The following BTBD9 variants were observed in gnomAD, a reference collection of about 807,000 sequenced individuals.
The protein encoded by BTBD9 is BTB domain containing 9, also known as BTB/POZ domain-containing protein 9.
BTBD9 carries 49 observed loss-of-function variants against 64.3 expected under a neutral mutation model. The ratio of observed to expected loss-of-function variants is 0.76; its 90% CI spans 0.61 to 0.97. BTBD9 has a LOEUF of 0.97. Among genes scored for constraint, BTBD9 ranks in the 50% least tolerant of loss-of-function variants. BTBD9 has a pLI of 0.00. For missense variants in BTBD9, 598 were observed against 762.1 expected, an observed-to-expected ratio of 0.78 and a Z score of 2.53; for synonymous variants, 260 against 274.7, an observed-to-expected ratio of 0.95 and a Z score of 0.53.
chr6:38,515,313 C>G (rs1261888910), intron 6 of BTBD9, among the ~76,000 whole-genome samples: 1 of 152,140 alleles, frequency 6.6e-6, no homozygotes, highest in Non-Finnish European at 1.5e-5. Flanking sequence ...AGAGAACAGT[C>G]AACATTTCCT....
chr6:38,227,324 A>G (rs948772718), intron 9 of BTBD9, among the ~76,000 whole-genome samples: 1 of 152,206 alleles, frequency 6.6e-6, no homozygotes, highest in African/African-American at 2.4e-5. Context: ...TTAGGAGCAC[A>G]TATTTAGTAG....
At chr6:38,328,965 A>T (rs1763561911) in intron 7 of BTBD9, among the ~76,000 whole-genome samples, 1 of 103,992 alleles carries the variant, frequency 9.6e-6, no homozygotes, top group African/African-American at 4.6e-5. Context: ...AAAGAAAGAA[A>T]ATATGTGTGT....
At chr6:38,525,457 G>C (rs1277711974) in intron 6 of BTBD9, among the ~76,000 whole-genome samples, 1 of 152,184 alleles carries the variant, frequency 6.6e-6, no homozygotes, top group African/African-American at 2.4e-5. Context: ...CAAGGTAGTG[G>C]TGTACTGCTA....
At position 38,311,389 on chromosome 6, in the gene BTBD9, T is replaced by C. The variant is rs186394578; in HGVS notation, c.1265-22928A>G. 2.4e-3 allele frequency among the ~76,000 whole-genome samples: 359 copies of C among 152,280 alleles called. 5 individuals carry two copies. Among genetic ancestry groups the C allele is most frequent in the African/African-American group, 6.9e-3 (286 of 41,556 alleles). On this transcript the variant is annotated intron_variant, in intron 7 of 10. Transcript: ENST00000481247. Reference sequence around the variant, plus strand: ...ATAAAGACCTCTAGTTCCATCCACGTTGTTGCAAATGACAGGATATAATTC... The same window carrying C: ...ATAAAGACCTCTAGTTCCATCCACGCTGTTGCAAATGACAGGATATAATTC...
At chr6:38,444,609 T>G (rs1397649768) in intron 6 of BTBD9, among the ~76,000 whole-genome samples, 1 of 152,222 alleles carries the variant, frequency 6.6e-6, no homozygotes, top group Non-Finnish European at 1.5e-5. Flanking sequence ...TATGTGATTT[T>G]GGGCTTCTTA....
chr6:38,267,951 C>T (rs1482165584), intron 8 of BTBD9, among the ~76,000 whole-genome samples: 1 of 151,954 alleles, frequency 6.6e-6, no homozygotes, highest in African/African-American at 2.4e-5. Context: ...AAAAACAAAA[C>T]AAAACAAAAC....
chr6:38,350,909 T>C (rs1764477959), intron 6 of BTBD9, among the ~76,000 whole-genome samples: 1 of 152,234 alleles, frequency 6.6e-6, no homozygotes, highest in Non-Finnish European at 1.5e-5. Flanking sequence ...TATACACAAA[T>C]AATTCTCTAA....
chr6:38,490,381 C>A (rs562824853), intron 6 of BTBD9, among the ~76,000 whole-genome samples: 18 of 152,204 alleles, frequency 1.2e-4, no homozygotes, highest in African/African-American at 3.9e-4. Flanking sequence ...AGTGCAGTGG[C>A]GCAATCTCGG....
In BTBD9 at chr6:38,277,187, G is replaced by C. The variant is rs189772479; in HGVS notation, c.1454+11085C>G. On this transcript the variant is annotated intron_variant, in intron 8 of 10. Transcript: ENST00000481247. ...AAGCACAGGAGACCAGTTACAGAAA[G>C]CCAGTATATTAAGTGTTTGCAACAG... Among the ~76,000 whole-genome samples, 22 of 152,244 alleles carry C rather than the reference G, an allele frequency of 1.4e-4. No individual in the cohort carries two copies. The East Asian group carries it at 3.9e-3, about 27-fold the overall frequency.
At chr6:38,209,566 G>T (rs1428667388) in intron 9 of BTBD9, among the ~76,000 whole-genome samples, 1 of 152,102 alleles carries the variant, frequency 6.6e-6, no homozygotes, top group East Asian at 1.9e-4. Context: ...CTAAACTTTT[G>T]AACTCCCAGA....
chr6:38,219,117 T>C (rs1478676693), intron 9 of BTBD9, among the ~76,000 whole-genome samples: 1 of 147,232 alleles, frequency 6.8e-6, no homozygotes, highest in Non-Finnish European at 1.5e-5. Flanking sequence ...GTCATTACTA[T>C]CACTTTCTTT....
intron 9 of BTBD9, among the ~76,000 whole-genome samples, chr6:38,227,252 C>A (rs1222016664): frequency 6.6e-6 from 1 of 152,194 alleles, no homozygotes; most frequent in Admixed American, 6.5e-5. Context: ...AATGAGACCA[C>A]TTTTAGGGTT....
At chr6:38,349,247 C>A (rs922899691) in intron 6 of BTBD9, among the ~76,000 whole-genome samples, 1 of 152,096 alleles carries the variant, frequency 6.6e-6, no homozygotes, top group Non-Finnish European at 1.5e-5. Context: ...ATAACACGAA[C>A]TTTACAGGGT....
intron 7 of BTBD9, among the ~76,000 whole-genome samples, chr6:38,340,394 C>T (rs375664843): frequency 2.2e-4 from 33 of 152,142 alleles, no homozygotes; most frequent in African/African-American, 5.8e-4. Context: ...CCAGAAAGCA[C>T]GGAACTATCA....
At chr6:38,617,824 C>T (rs527754999) in intron 1 of BTBD9, among the ~76,000 whole-genome samples, 28 of 152,244 alleles carry the variant, frequency 1.8e-4, no homozygotes, top group African/African-American at 6.7e-4. Flanking sequence ...GTCCCAGCAC[C>T]AACAGGAGAA....
intron 6 of BTBD9, among the ~76,000 whole-genome samples, chr6:38,397,577 A>T (rs970485546): frequency 1.3e-5 from 2 of 152,228 alleles, no homozygotes; most frequent in African/African-American, 4.8e-5. Context: ...GAAGCTATGC[A>T]GTGGCCATAC....
intron 6 of BTBD9, among the ~76,000 whole-genome samples, chr6:38,457,126 G>C (rs1442582890): frequency 6.6e-6 from 1 of 152,196 alleles, no homozygotes; most frequent in African/African-American, 2.4e-5. Context: ...CTGGAGCTCA[G>C]TCATGGGGGC....
At chr6:38,271,798 C>A (rs1015770529) in intron 8 of BTBD9, among the ~76,000 whole-genome samples, 1 of 152,178 alleles carries the variant, frequency 6.6e-6, no homozygotes, top group Non-Finnish European at 1.5e-5. Flanking sequence ...TGTCTAAAGT[C>A]TCTTTCTTCT....
intron 6 of BTBD9, among the ~76,000 whole-genome samples, chr6:38,405,853 C>T (rs10484927): frequency 0.057 from 8,726 of 152,106 alleles, 724 homozygotes; most frequent in East Asian, 0.34. Context: ...CAATTCAGCA[C>T]CTAGAATAAT....
Sources: allele counts gnomAD v4.1 joint callset (sites outside exome capture counted in the v4.1 genomes callset), GRCh38; gene constraint gnomAD v4.1.1; transcripts MANE v1.5; gene names NCBI Gene and HGNC (gene_info 2026-07-23, HGNC 2026-07-21).